Variants in LRRFIP1 observed in about 807,000 individuals in gnomAD.
LRRFIP1 encodes leucine-rich repeat flightless-interacting protein 1.
In LRRFIP1, 62 loss-of-function variants were observed where a neutral mutation model predicts 104.4. The ratio of observed to expected loss-of-function variants is 0.59; its 90% CI spans 0.48 to 0.73. The LOEUF is 0.73. LRRFIP1 is among the 30% of genes least tolerant of loss of function. LRRFIP1 has a pLI of 0.00. For synonymous variants in LRRFIP1, 300 were observed against 299.0 expected, an observed-to-expected ratio of 1.00 and a Z score of -0.03; for missense variants, 796 against 824.5, an observed-to-expected ratio of 0.97 and a Z score of 0.42.
At chr2:237,729,874 T>G in intron 8 of LRRFIP1, 2 of 956,250 alleles carry the variant, frequency 2.1e-6, no homozygotes, top group Non-Finnish European at 2.5e-6. Flanking sequence ...TCACATTCTC[T>G]TCAGAAACCG....
At position 237,739,459 on chromosome 2, in the gene LRRFIP1, G is replaced by A. The variant is rs1219891816; in HGVS notation, c.633+150G>A. ...GCTCAACTTTTCAAGGACCGTAAAA[G>A]AAATTGTTAGCTGTGCTTAGAGATG... On this transcript the variant is annotated intron_variant, in intron 11 of 23. Transcript: ENST00000308482. 5.2e-6 allele frequency: 4 copies of A among 763,728 alleles called. No individual in the cohort carries two copies. In the African/African-American group the frequency reaches 7.0e-5, roughly 13 times the overall value. 47.3% of individuals were successfully genotyped at this position (763,728 alleles called of 1,614,324 possible).
At chr2:237,734,669 G>GA (rs2095173088) in intron 9 of LRRFIP1, among the ~76,000 whole-genome samples, 1 of 152,162 alleles carries the variant, frequency 6.6e-6, no homozygotes, top group Non-Finnish European at 1.5e-5. Flanking sequence ...GTCCTCAAGG[G>GA]AAAATAGGGA....
At chr2:237,659,999 C>T (rs963747933) in intron 1 of LRRFIP1, among the ~76,000 whole-genome samples, 3 of 151,918 alleles carry the variant, frequency 2.0e-5, no homozygotes, top group Non-Finnish European at 2.9e-5. Flanking sequence ...ATAAGTTACC[C>T]CAGAAAAGAT....
At chr2:237,636,489 T>G (rs2083144493) in intron 1 of LRRFIP1, among the ~76,000 whole-genome samples, 1 of 152,088 alleles carries the variant, frequency 6.6e-6, no homozygotes, top group Admixed American at 6.6e-5. Context: ...TATAGCATCC[T>G]TTCTTGACTC....
At chr2:237,682,968 C>A (rs886768796) in intron 1 of LRRFIP1, among the ~76,000 whole-genome samples, 7 of 152,198 alleles carry the variant, frequency 4.6e-5, no homozygotes, top group Non-Finnish European at 1.0e-4. Context: ...AGATCCAGGG[C>A]CACTTGGCAA....
intron 1 of LRRFIP1, among the ~76,000 whole-genome samples, chr2:237,700,812 GTGGGAGCCGCCTCTGGTTCACA>G: frequency 6.6e-6 from 1 of 152,166 alleles, no homozygotes; most frequent in East Asian, 1.9e-4. Context: ...GCGGGGGGAG[GTGGGAGCCGCCTCTGGTTCACA>G]TGCGGTGCTT....
intron 1 of LRRFIP1, among the ~76,000 whole-genome samples, chr2:237,635,201 A>G (rs1442483555): frequency 1.3e-5 from 2 of 152,216 alleles, no homozygotes; most frequent in Non-Finnish European, 2.9e-5. Context: ...TTCATACTTG[A>G]TTGATACTTT....
At position 237,661,337 on chromosome 2, in the gene LRRFIP1, G is replaced by C. The variant is rs2087905504; in HGVS notation, c.96+33597G>C. Among the ~76,000 whole-genome samples, 1 of 152,146 alleles carries C rather than the reference G, an allele frequency of 6.6e-6. No individual in the cohort carries two copies. The highest frequency in any genetic ancestry group is 2.4e-5 in the African/African-American group (1 of 41,440). ...CCACATAATGGAGGCTGGACTGTGT[G>C]TCCAGTCCACCCAGATGCCACCATG... On this transcript the variant is annotated intron_variant, in intron 1 of 23. Coordinates refer to ENST00000308482, the MANE Select transcript of LRRFIP1 (RefSeq NM_001137550.2). This position sits in a 1 kb window ranked among gnomAD's most constrained non-coding sequence, Gnocchi z 4.4.
intron 14 of LRRFIP1, among the ~76,000 whole-genome samples, chr2:237,752,417 A>G (rs923229274): frequency 2.0e-5 from 3 of 152,120 alleles, no homozygotes; most frequent in Non-Finnish European, 4.4e-5. Context: ...AAAAAGAAAA[A>G]ATGCTGCTGG....
intron 1 of LRRFIP1, among the ~76,000 whole-genome samples, chr2:237,700,243 C>A (rs1318030164): frequency 6.6e-6 from 1 of 152,136 alleles, no homozygotes; most frequent in Non-Finnish European, 1.5e-5. Context: ...AAAGGGATCC[C>A]GTGTCACAGC....
intron 19 of LRRFIP1, chr2:237,768,908 AAG>A (rs1435953441): frequency 6.6e-6 from 1 of 152,244 alleles, no homozygotes. Context: ...CTAGTGAGCT[AAG>A]AGCTTTGAGT....
chr2:237,627,823 T>G, intron 1 of LRRFIP1, 83 bp downstream of exon 1: 1 of 896,666 alleles, frequency 1.1e-6, no homozygotes, highest in Non-Finnish European at 1.4e-6. Context: ...GGCGTCCGTC[T>G]GTCCCGCTGT....
At chr2:237,695,361 C>T (rs1322736311) in intron 1 of LRRFIP1, among the ~76,000 whole-genome samples, 1 of 152,164 alleles carries the variant, frequency 6.6e-6, no homozygotes, top group Non-Finnish European at 1.5e-5. Flanking sequence ...TTTATAGTTG[C>T]AGAACGGTGT....
At chr2:237,631,360 GC>G in intron 1 of LRRFIP1, among the ~76,000 whole-genome samples, 1 of 152,216 alleles carries the variant, frequency 6.6e-6, no homozygotes, top group East Asian at 1.9e-4. Context: ...CGTGGTGGGG[GC>G]AGCCTTTGGA....
In LRRFIP1 at chr2:237,699,749, C is replaced by A. The variant is rs145505673; in HGVS notation, c.97-8795C>A. On this transcript the variant is annotated intron_variant, in intron 1 of 23. Transcript: ENST00000308482. ...GGGATGGTTGGCCGACCTGGCCCTG[C>A]CCCCCCGCCCCAATACCCTTAGCTT... Among the ~76,000 whole-genome samples, 248 of 143,686 alleles carry A rather than the reference C, an allele frequency of 1.7e-3. 4 individuals are homozygous for A. The East Asian group carries it at 0.053, about 31-fold the overall frequency. 94.3% of individuals were successfully genotyped at this position (143,686 alleles called of 152,430 possible). A position where few individuals can be genotyped will look rare whatever the true frequency, so the allele number is the denominator to read the frequency against.
At chr2:237,673,514 G>T (rs2090656721) in intron 1 of LRRFIP1, among the ~76,000 whole-genome samples, 1 of 152,202 alleles carries the variant, frequency 6.6e-6, no homozygotes, top group Non-Finnish European at 1.5e-5. Flanking sequence ...GCGTGGCGTG[G>T]GGTGGTTCCT....
chr2:237,648,048 C>A (rs530780670), intron 1 of LRRFIP1, among the ~76,000 whole-genome samples: 11 of 152,164 alleles, frequency 7.2e-5, no homozygotes, highest in African/African-American at 2.6e-4. Flanking sequence ...GCCTCCAAAC[C>A]TGAAATAGAG....
In LRRFIP1 at chr2:237,723,008, G is replaced by A. The variant is rs141912754; in HGVS notation, c.346-540G>A. The stretch of plus-strand genomic sequence containing the variant: ...TTTTTACATTTTTGATTGTAAGATC[G>A]TATCTTTTATTTATTGACTCTGAAA... On this transcript the variant is annotated intron_variant, in intron 6 of 23. Transcript: ENST00000308482. Among the ~76,000 whole-genome samples the A allele has an allele frequency of 5.3e-3, 802 of 152,128 alleles. 8 individuals are homozygous for A. The highest frequency in any genetic ancestry group is 0.017 in the African/African-American group (723 of 41,502).
intron 15 of LRRFIP1, among the ~76,000 whole-genome samples, chr2:237,754,678 T>A (rs2059059901): frequency 6.6e-6 from 1 of 152,208 alleles, no homozygotes; most frequent in Non-Finnish European, 1.5e-5. Context: ...AGAATTGAGT[T>A]GGAAGCTGAA....
Sources: allele counts gnomAD v4.1 joint callset (sites outside exome capture counted in the v4.1 genomes callset), GRCh38; gene constraint gnomAD v4.1.1; non-coding constraint Gnocchi (gnomAD v3.1); transcripts MANE v1.5; gene names NCBI Gene and HGNC (gene_info 2026-07-23, HGNC 2026-07-21).